The following AVPR1B variants were observed in gnomAD, a reference collection of about 807,000 sequenced individuals.
AVPR1B encodes arginine vasopressin receptor 1B.
Under a neutral mutation model 27.5 loss-of-function variants are expected in AVPR1B, and 25 were observed. That is an observed-to-expected ratio of 0.91 (90% CI 0.66 to 1.27). The LOEUF is 1.27. Ranked by LOEUF, AVPR1B falls within the 50% of genes most tolerant of loss-of-function variation. The probability of loss-of-function intolerance (pLI) is 0.00; values close to 1 mark genes in which losing one functional copy is unlikely to be tolerated. For synonymous variants in AVPR1B, 248 were observed against 240.2 expected, an observed-to-expected ratio of 1.03 and a Z score of -0.30; for missense variants, 595 against 556.9, an observed-to-expected ratio of 1.07 and a Z score of -0.69.
chr1:206,110,322 G>T lies in AVPR1B; in HGVS notation c.1142C>A (p.Thr381Asn), dbSNP rs961502094. Residue 381 changes from threonine to asparagine, a missense_variant, in exon 2 of 2, where the codon ACC becomes AAC. Physicochemically the swap from Thr to Asn is moderately conservative, Grantham distance 65. Coordinates refer to ENST00000367126, the MANE Select transcript of AVPR1B (RefSeq NM_000707.5). ...GAGGGTGGCCGGGCAGCTGGAGCGG[G>T]TCAGCAGCGTGGTGTGGCGGCTCGA... ...SLSSRHTTLL[T>N]RSSCPATLSL... The T allele has an allele frequency of 6.2e-7, 1 of 1,613,322 alleles. No homozygotes were observed. Among genetic ancestry groups the T allele is most frequent in the South Asian group, 1.1e-5 (1 of 91,032 alleles).
rs1288459107 is a variant in AVPR1B, at chr1:206,108,224, A to G, written c.*1965T>C. 6.6e-6 allele frequency among the ~76,000 whole-genome samples: 1 copy of G among 152,226 alleles called. No homozygotes were observed. Among genetic ancestry groups the G allele is most frequent in the Non-Finnish European group, 1.5e-5 (1 of 68,034 alleles). ...AAGCCCACTTCACCAGGGCAGATAG[A>G]CAGGGAAGAAGTATTAGATGTCAGG... On this transcript the variant is annotated 3_prime_UTR_variant, in exon 2 of 2. Transcript: ENST00000367126.
rs1663312198 is a variant in AVPR1B, at chr1:206,108,330, T to C, written c.*1859A>G. Among the ~76,000 whole-genome samples the C allele has an allele frequency of 2.0e-5, 3 of 152,236 alleles. No individual in the cohort carries two copies. The highest frequency in any genetic ancestry group is 6.5e-5 in the Admixed American group (1 of 15,286). ...CCTGAGCCTTGGTCCCATTAGGGTC[T>C]CACTCTCCAGTTCTCTAGCACTGAA... On this transcript the variant is annotated 3_prime_UTR_variant, in exon 2 of 2. Transcript: ENST00000367126.
chr1:206,107,350 G>C lies in AVPR1B; in HGVS notation c.*2839C>G, dbSNP rs962659294. ...CCAGAGAGCACAGAGCCTCCTTCTT[G>C]CTTCCACAGGGCCCCTCCTCCTTGA... On this transcript the variant is annotated 3_prime_UTR_variant, in exon 2 of 2. Coordinates refer to ENST00000367126, the MANE Select transcript of AVPR1B (RefSeq NM_000707.5). Among the ~76,000 whole-genome samples, 3 of 152,118 alleles carry C rather than the reference G, an allele frequency of 2.0e-5. No individual in the cohort carries two copies. Among genetic ancestry groups the C allele is most frequent in the Admixed American group, 2.0e-4 (3 of 15,280 alleles).
Position 206,109,061 on chromosome 1 carries a change from G to A in AVPR1B, c.*1128C>T, listed in dbSNP as rs1663326024. Among the ~76,000 whole-genome samples the A allele has an allele frequency of 6.6e-6, 1 of 152,198 alleles. No homozygotes were observed. Among genetic ancestry groups the A allele is most frequent in the Non-Finnish European group, 1.5e-5 (1 of 68,034 alleles). ...TCTCTGTAACACCATTTCCAGTATTGCAGAGTCATGGAAGGTTGGAGTTTA... is the reference window on the plus strand; with the variant it reads ...TCTCTGTAACACCATTTCCAGTATTACAGAGTCATGGAAGGTTGGAGTTTA... On this transcript the variant is annotated 3_prime_UTR_variant, in exon 2 of 2. Coordinates refer to ENST00000367126, the MANE Select transcript of AVPR1B (RefSeq NM_000707.5).
chr1:206,113,501 T>C (rs957358948), intron 1 of AVPR1B, among the ~76,000 whole-genome samples: 2 of 152,240 alleles, frequency 1.3e-5, no homozygotes, highest in African/African-American at 4.8e-5. Context: ...CACTGTCCCA[T>C]GCATTCCTTG....
chr1:206,113,772 C>T (rs1332806100), intron 1 of AVPR1B, among the ~76,000 whole-genome samples: 6 of 152,208 alleles, frequency 3.9e-5, no homozygotes, highest in African/African-American at 1.4e-4. Flanking sequence ...CAAGCCCAAG[C>T]TCTATCTCTC....
Position 206,117,274 on chromosome 1 carries a change from G to A in AVPR1B, c.-384C>T, listed in dbSNP as rs1328131291. 2.1e-5 allele frequency: 4 copies of A among 188,844 alleles called. No individual in the cohort carries two copies. Among genetic ancestry groups the A allele is most frequent in the Non-Finnish European group, 4.4e-5 (4 of 91,724 alleles). The allele number at this position is 188,844 out of a possible 1,614,324, so 11.7% of individuals were successfully genotyped here. On this transcript the variant is annotated 5_prime_UTR_variant, in exon 1 of 2. Transcript: ENST00000367126. ...TTCTCCAAACTTTTCTGGAAGCCAA[G>A]AGCGGAAGCCCTTCAGCCTGCTTGG...
rs972014668 is a variant in AVPR1B, at chr1:206,111,550, G to A, written c.941-1027C>T. On this transcript the variant is annotated intron_variant, in intron 1 of 1. Coordinates refer to ENST00000367126, the MANE Select transcript of AVPR1B (RefSeq NM_000707.5). ...AGAAGTAAGCTTTCTAGTTTTTATA[G>A]CACAGTTAGTAAGAGCTGCAACTCG... is the stretch of plus-strand genomic sequence containing the variant. 9.9e-5 allele frequency among the ~76,000 whole-genome samples: 15 copies of A among 152,158 alleles called. No individual in the cohort carries two copies. The East Asian group carries it at 2.9e-3, about 29-fold the overall frequency.
intron 1 of AVPR1B, among the ~76,000 whole-genome samples, chr1:206,113,358 G>A (rs544651106): frequency 6.6e-6 from 1 of 152,268 alleles, no homozygotes; most frequent in South Asian, 2.1e-4. Context: ...GGGGCTAGGG[G>A]GCAAACAGGC....
At position 206,116,434 on chromosome 1, in the gene AVPR1B, G is replaced by A. The variant is rs782115299; in HGVS notation, c.457C>T (p.Leu153Phe). 4 of 1,613,970 alleles carry A rather than the reference G, an allele frequency of 2.5e-6. No homozygotes were observed. Among genetic ancestry groups the A allele is most frequent in the South Asian group, 2.2e-5 (2 of 91,088 alleles). The stretch of plus-strand genomic sequence containing the variant: ...GCCAGCAGCCAGGGAGCAGCGATGA[G>A]CAGGTAGGTGGACTGGCCTGGCTGC... ...LQQPGQSTYL[L>F]IAAPWLLAAI... The change falls in exon 1 of 2, where the codon CTC becomes TTC. Residue 153 changes from leucine to phenylalanine, a missense_variant. Leu to Phe is a conservative substitution (Grantham distance 22). Coordinates refer to ENST00000367126, the MANE Select transcript of AVPR1B (RefSeq NM_000707.5).
chr1:206,115,496 A>G (rs2102339518), intron 1 of AVPR1B, among the ~76,000 whole-genome samples: 1 of 152,302 alleles, frequency 6.6e-6, no homozygotes. Flanking sequence ...TGGAAATTTC[A>G]GGGTTTTCAT....
In AVPR1B at chr1:206,110,138, A is replaced by C; in HGVS notation, c.*51T>G. 5 of 1,533,528 alleles carry C rather than the reference A, an allele frequency of 3.3e-6. No individual in the cohort carries two copies. The highest frequency in any genetic ancestry group is 1.3e-5 in the South Asian group (1 of 79,126). 95.0% of individuals were successfully genotyped at this position (1,533,528 alleles called of 1,614,324 possible). ...CTCATTTCCAGTGCCCGAGGTGGGC[A>C]GAGAACCTCCACTAGTCCTGGGGGC... On this transcript the variant is annotated 3_prime_UTR_variant, in exon 2 of 2. Transcript: ENST00000367126.
Position 206,110,123 on chromosome 1 carries a change from G to C in AVPR1B, c.*66C>G. 1 of 1,495,842 alleles carries C rather than the reference G, an allele frequency of 6.7e-7. No homozygotes were observed. The highest frequency in any genetic ancestry group is 2.3e-5 in the East Asian group (1 of 43,804). 92.7% of individuals were successfully genotyped at this position (1,495,842 alleles called of 1,614,324 possible). A position where few individuals can be genotyped will look rare whatever the true frequency, so the allele number is the denominator to read the frequency against. ...CTTACCCTCCCAGCTCTCATTTCCA[G>C]TGCCCGAGGTGGGCAGAGAACCTCC... On this transcript the variant is annotated 3_prime_UTR_variant, in exon 2 of 2. Transcript: ENST00000367126.
Position 206,110,287 on chromosome 1 carries a change from G to A in AVPR1B, c.1177C>T (p.Leu393Phe). ...GGCCTCCCACTGAGGGTTAGGCTGA[G>A]GCTGAGGCTGAGGGTGGCCGGGCAG... ...SSCPATLSLS[L>F]SLTLSGRPRP... is the part of the protein sequence containing the mutation. The change falls in exon 2 of 2, where the codon CTC becomes TTC. Residue 393 changes from leucine (L) to phenylalanine (F), a missense_variant. Coordinates refer to ENST00000367126, the MANE Select transcript of AVPR1B (RefSeq NM_000707.5). The A allele has an allele frequency of 6.2e-7, 1 of 1,613,978 alleles. No homozygotes were observed. The highest frequency in any genetic ancestry group is 8.5e-7 in the Non-Finnish European group (1 of 1,180,024).
rs1663301623 is a variant in AVPR1B at position 206,107,673 on chromosome 1, T to G, written c.*2516A>C. Among the ~76,000 whole-genome samples the G allele has an allele frequency of 1.3e-5, 2 of 152,188 alleles. No homozygotes were observed. The highest frequency in any genetic ancestry group is 6.5e-5 in the Admixed American group (1 of 15,292). ...CAATGCAAAACAGAAAATATCATAGTAGTAAGAGGGGATCTATAGAAGGCA... is the reference window on the plus strand; with the variant it reads ...CAATGCAAAACAGAAAATATCATAGGAGTAAGAGGGGATCTATAGAAGGCA... On this transcript the variant is annotated 3_prime_UTR_variant, in exon 2 of 2. Transcript: ENST00000367126.
intron 1 of AVPR1B, among the ~76,000 whole-genome samples, chr1:206,115,256 A>T (rs1663444366): frequency 6.6e-6 from 1 of 152,066 alleles, no homozygotes; most frequent in Middle Eastern, 3.2e-3. Context: ...ACACATAAAA[A>T]GGCCCAAAGT....
At chr1:206,111,204 A>T (rs1663370994) in intron 1 of AVPR1B, among the ~76,000 whole-genome samples, 1 of 152,154 alleles carries the variant, frequency 6.6e-6, no homozygotes, top group Admixed American at 6.5e-5. Flanking sequence ...GCCTCCAAGC[A>T]CCCCTCTCCA....
rs1408238130 is a variant in AVPR1B, at chr1:206,108,657, A to G, written c.*1532T>C. ...AGAACCAAGCTAGCAAGGACTGGCCAGCATTTTATTGATGTGTGTCATTGG... is the reference window on the plus strand; with the variant it reads ...AGAACCAAGCTAGCAAGGACTGGCCGGCATTTTATTGATGTGTGTCATTGG... On this transcript the variant is annotated 3_prime_UTR_variant, in exon 2 of 2. Transcript: ENST00000367126. Among the ~76,000 whole-genome samples the G allele has an allele frequency of 1.3e-5, 2 of 152,266 alleles. No individual in the cohort carries two copies. The highest frequency in any genetic ancestry group is 2.9e-5 in the Non-Finnish European group (2 of 68,052).
In AVPR1B at chr1:206,116,258, C is replaced by G; in HGVS notation, c.633G>C (p.Pro211=). The change falls in exon 1 of 2, where the codon CCG becomes CCC. Residue 211 remains proline, a synonymous_variant. Coordinates refer to ENST00000367126, the MANE Select transcript of AVPR1B (RefSeq NM_000707.5). ...TGTAGCAGGCCGTGAGCATGGTCAC[C>G]GGCAGAACGAAGATAGCCAGGGTGG... ...TWTTLAIFVL[P]VTMLTACYSL... 6.2e-7 allele frequency: 1 copy of G among 1,613,644 alleles called. No homozygotes were observed. Among genetic ancestry groups the G allele is most frequent in the African/African-American group, 1.3e-5 (1 of 75,032 alleles).
Sources: allele counts gnomAD v4.1 joint callset (sites outside exome capture counted in the v4.1 genomes callset), GRCh38; gene constraint gnomAD v4.1.1; transcripts MANE v1.5; gene names NCBI Gene and HGNC (gene_info 2026-07-23, HGNC 2026-07-21).